Variants in ISM1 observed in about 807,000 individuals in gnomAD.
ISM1 encodes isthmin 1.
In ISM1, 25 loss-of-function variants were observed where a neutral mutation model predicts 46.3. The observed-to-expected ratio is 0.54, with a 90% CI of 0.39 to 0.75. ISM1 has a LOEUF of 0.75. Ranked by LOEUF, ISM1 falls within the 30% of genes least tolerant of loss-of-function variation. The pLI, the probability that ISM1 is intolerant of heterozygous loss-of-function variation, is 0.00. For synonymous variants in ISM1, 255 were observed against 256.7 expected (o/e 0.99, Z 0.06); for missense variants, 536 against 625.4 (o/e 0.86, Z 1.52).
downstream of ISM1, among the ~76,000 whole-genome samples, chr20:13,303,738 C>A (rs79190284): frequency 0.055 from 8,430 of 152,276 alleles, 321 homozygotes; most frequent in Admixed American, 0.093. Context: ...TATACATACG[C>A]CAGATACCAG....
intron 2 of ISM1, among the ~76,000 whole-genome samples, chr20:13,279,237 G>A (rs2040212106): frequency 6.6e-6 from 1 of 152,164 alleles, no homozygotes; most frequent in Non-Finnish European, 1.5e-5. Flanking sequence ...TATCACTTCA[G>A]GAACAAATAT....
Position 13,225,769 on chromosome 20 carries a change from G to C in ISM1, c.138+3855G>C, listed in dbSNP as rs1477211630. Reference sequence around the variant, plus strand: ...TGCATGGAAACATCAACTTTTTCTTGCTTTTGAATCTTAGTTCATTAGAAT... The same window carrying C: ...TGCATGGAAACATCAACTTTTTCTTCCTTTTGAATCTTAGTTCATTAGAAT... On this transcript the variant is annotated intron_variant, in intron 1 of 5. Coordinates refer to ENST00000262487, the MANE Select transcript of ISM1 (RefSeq NM_080826.2). Among the ~76,000 whole-genome samples, 2 of 152,054 alleles carry C rather than the reference G, an allele frequency of 1.3e-5. 1 individual carries two copies. Among genetic ancestry groups the C allele is most frequent in the Non-Finnish European group, 2.9e-5 (2 of 68,006 alleles).
intron 1 of ISM1, among the ~76,000 whole-genome samples, chr20:13,250,347 T>A (rs2039854194): frequency 6.6e-6 from 1 of 152,210 alleles, no homozygotes; most frequent in African/African-American, 2.4e-5. Context: ...TTGATAAGGC[T>A]CAGAGTCGAT....
At chr20:13,265,675 G>C (rs756948656) in intron 1 of ISM1, among the ~76,000 whole-genome samples, 1 of 152,168 alleles carries the variant, frequency 6.6e-6, no homozygotes, top group African/African-American at 2.4e-5. Context: ...AATTGTGATA[G>C]TATTTGGTTG....
At position 13,299,569 on chromosome 20, in the gene ISM1, G is replaced by A; in HGVS notation, c.*110G>A. ...TTCATAGCTGCGGTCGTGTATATTTGTATATACCACATGAGTATTTCTCAT... is the reference window on the plus strand; with the variant it reads ...TTCATAGCTGCGGTCGTGTATATTTATATATACCACATGAGTATTTCTCAT... On this transcript the variant is annotated 3_prime_UTR_variant, in exon 6 of 6. Transcript: ENST00000262487. This position sits in a 1 kb window ranked among gnomAD's most constrained non-coding sequence, Gnocchi z 5.8. 4 of 987,042 alleles carry A rather than the reference G, an allele frequency of 4.1e-6. No homozygotes were observed. The highest frequency in any genetic ancestry group is 2.7e-4 in the Middle Eastern group (1 of 3,670). 61.1% of individuals were successfully genotyped at this position (987,042 alleles called of 1,614,324 possible). A position where few individuals can be genotyped will look rare whatever the true frequency, so the allele number is the denominator to read the frequency against.
the ISM1 span, among the ~76,000 whole-genome samples, chr20:13,322,289 C>T: frequency 6.6e-6 from 1 of 152,132 alleles, no homozygotes. Flanking sequence ...TGCTGCATCT[C>T]CTGGGTGTCC....
chr20:13,297,767 A>C (rs1203757764), intron 5 of ISM1, among the ~76,000 whole-genome samples: 1 of 152,238 alleles, frequency 6.6e-6, no homozygotes, highest in Non-Finnish European at 1.5e-5. Flanking sequence ...GGAATAACCT[A>C]ATTCTTAAAT....
At chr20:13,304,936 G>A (rs73082237), downstream of ISM1, among the ~76,000 whole-genome samples, 3,498 of 152,134 alleles carry the variant, frequency 0.023, 69 homozygotes, top group Non-Finnish European at 0.031. Flanking sequence ...CTTGCTCAGC[G>A]CCATCTCTCA....
At chr20:13,240,378 G>A (rs1011102692) in intron 1 of ISM1, among the ~76,000 whole-genome samples, 1 of 152,194 alleles carries the variant, frequency 6.6e-6, no homozygotes, top group Non-Finnish European at 1.5e-5. Context: ...GGAAGGACTT[G>A]ATGGAAAAGT....
chr20:13,285,788 G>GA (rs1477673123), intron 3 of ISM1, among the ~76,000 whole-genome samples: 1 of 152,208 alleles, frequency 6.6e-6, no homozygotes, highest in African/African-American at 2.4e-5. Context: ...ACTATAACAA[G>GA]AAAGTGCCTC....
intron 1 of ISM1, among the ~76,000 whole-genome samples, chr20:13,225,485 TCTAA>T (rs1338118056): frequency 2.6e-5 from 4 of 152,200 alleles, no homozygotes; most frequent in African/African-American, 4.8e-5. Context: ...ATAAATGTTA[TCTAA>T]CTTTTTTTGT....
chr20:13,296,618 C>T (rs571363152), intron 5 of ISM1, among the ~76,000 whole-genome samples: 4 of 152,170 alleles, frequency 2.6e-5, no homozygotes, highest in African/African-American at 9.7e-5. Flanking sequence ...AAGCCAGTCT[C>T]TTTCCAAAAG....
chr20:13,315,835 A>G, the ISM1 span, among the ~76,000 whole-genome samples: 11 of 152,010 alleles, frequency 7.2e-5, no homozygotes, highest in Non-Finnish European at 1.6e-4. Context: ...CTAGAAAACA[A>G]TAACAGAAAG....
At chr20:13,270,418 T>G (rs2123251748) in intron 1 of ISM1, 86 bp from the exon 2 acceptor site, 1 of 1,442,504 alleles carries the variant, frequency 6.9e-7, no homozygotes, top group African/African-American at 1.4e-5. Flanking sequence ...GAATTGTCCT[T>G]GCTCCTGAAT....
chr20:13,289,936 T>C (rs553826824), intron 4 of ISM1, among the ~76,000 whole-genome samples: 2 of 152,330 alleles, frequency 1.3e-5, no homozygotes, highest in South Asian at 2.1e-4. Context: ...AGACTTCCTT[T>C]TTCTACCTTA....
chr20:13,272,094 T>G (rs1043863745), intron 2 of ISM1, among the ~76,000 whole-genome samples: 7 of 152,208 alleles, frequency 4.6e-5, no homozygotes, highest in Non-Finnish European at 1.0e-4. Flanking sequence ...TTGTAAGCTT[T>G]GCTTCCAATT....
intron 4 of ISM1, among the ~76,000 whole-genome samples, chr20:13,289,483 A>C (rs978228679): frequency 1.3e-5 from 2 of 152,216 alleles, no homozygotes; most frequent in African/African-American, 4.8e-5. Context: ...ACTTGGTGAG[A>C]GGTCATGTTG....
chr20:13,254,969 C>T (rs994005614), intron 1 of ISM1, among the ~76,000 whole-genome samples: 2 of 152,216 alleles, frequency 1.3e-5, no homozygotes, highest in Admixed American at 6.5e-5. Context: ...GGGCTCTAGG[C>T]CAAGTGCTGA....
intron 1 of ISM1, among the ~76,000 whole-genome samples, chr20:13,235,710 T>C (rs576693585): frequency 7.9e-5 from 12 of 152,298 alleles, no homozygotes; most frequent in Admixed American, 3.9e-4. Flanking sequence ...AGAATGGTTG[T>C]CCTTTCACTG....
Sources: gnomAD v4.1 joint callset for allele counts (sites outside exome capture counted in the v4.1 genomes callset) on GRCh38, gnomAD v4.1.1 for gene constraint, Gnocchi (gnomAD v3.1) non-coding constraint, MANE v1.5 for transcripts, NCBI Gene and HGNC (gene_info 2026-07-23, HGNC 2026-07-21) for gene names.